Variants in KAZN observed in about 807,000 individuals in gnomAD.
KAZN encodes kazrin.
In KAZN, 40 loss-of-function variants were observed where a neutral mutation model predicts 87.4. The ratio of observed to expected loss-of-function variants is 0.46; its 90% CI spans 0.36 to 0.60. The LOEUF is 0.60. KAZN is among the 20% of genes least tolerant of loss of function. KAZN has a pLI of 0.00. For synonymous variants in KAZN, 466 were observed against 458.3 expected (o/e 1.02, Z -0.22); for missense variants, 898 against 1,073.9 (o/e 0.84, Z 2.29).
chr1:14,540,716 G>A (rs550445317), intron 2 of KAZN, among the ~76,000 whole-genome samples: 1 of 152,274 alleles, frequency 6.6e-6, no homozygotes, highest in Non-Finnish European at 1.5e-5. Flanking sequence ...TGCAATTTCT[G>A]GATGGGGAAA....
chr1:14,449,853 A>C (rs1000769514), intron 2 of KAZN, among the ~76,000 whole-genome samples: 1 of 152,174 alleles, frequency 6.6e-6, no homozygotes, highest in Non-Finnish European at 1.5e-5. Flanking sequence ...TTTCAAATGC[A>C]TTTGGAGAAA....
chr1:14,189,629 A>T (rs1057329475), intron 2 of KAZN, among the ~76,000 whole-genome samples: 3 of 152,160 alleles, frequency 2.0e-5, no homozygotes, highest in Admixed American at 6.6e-5. Flanking sequence ...CTAACTCCAG[A>T]ATATTTCCAT....
chr1:14,517,924 A>G (rs1364385901), intron 2 of KAZN, among the ~76,000 whole-genome samples: 1 of 152,194 alleles, frequency 6.6e-6, no homozygotes, highest in Non-Finnish European at 1.5e-5. Context: ...CCCTGGGAAC[A>G]ATGAGAAGGA....
chr1:14,128,605 T>C (rs1297444010), intron 1 of KAZN, among the ~76,000 whole-genome samples: 1 of 152,130 alleles, frequency 6.6e-6, no homozygotes, highest in Non-Finnish European at 1.5e-5. Flanking sequence ...ACGCCAATCA[T>C]ATTGGATTAG....
intron 1 of KAZN, among the ~76,000 whole-genome samples, chr1:14,073,949 GTTTTATC>G (rs377017549): frequency 3.5e-3 from 540 of 152,116 alleles, no homozygotes; most frequent in African/African-American, 0.012. Context: ...GGTATTTCTG[GTTTTATC>G]TTTTATCTGT....
intron 4 of KAZN, among the ~76,000 whole-genome samples, chr1:15,055,529 C>T (rs1167810168): frequency 6.6e-6 from 1 of 152,140 alleles, no homozygotes; most frequent in Non-Finnish European, 1.5e-5. Context: ...TCTCACTTTG[C>T]TCTTGGTGGG....
intron 1 of KAZN, among the ~76,000 whole-genome samples, chr1:14,055,089 G>A (rs941842134): frequency 6.6e-6 from 1 of 152,194 alleles, no homozygotes; most frequent in Admixed American, 6.5e-5. Flanking sequence ...GCCCATGGAA[G>A]GGTGAGGAAG....
At chr1:13,951,924 G>C (rs559839055) in intron 1 of KAZN, among the ~76,000 whole-genome samples, 8 of 152,156 alleles carry the variant, frequency 5.3e-5, no homozygotes, top group African/African-American at 1.7e-4. Flanking sequence ...GCCTGCCCTA[G>C]CTGTGCTATT....
intron 1 of KAZN, among the ~76,000 whole-genome samples, chr1:14,142,135 TA>T (rs1645254369): frequency 1.3e-5 from 2 of 150,566 alleles, no homozygotes. Context: ...TGGCTTGCCT[TA>T]AAACCAGATG....
At chr1:15,018,046 A>C (rs989335446) in intron 2 of KAZN, among the ~76,000 whole-genome samples, 1 of 151,730 alleles carries the variant, frequency 6.6e-6, no homozygotes, top group Admixed American at 6.6e-5. Context: ...GCTTCCCCCC[A>C]GCCTGCAAAC....
At chr1:13,896,548 T>G (rs918659152) in intron 1 of KAZN, among the ~76,000 whole-genome samples, 1 of 152,142 alleles carries the variant, frequency 6.6e-6, no homozygotes, top group African/African-American at 2.4e-5. Flanking sequence ...TGTCTCAGCC[T>G]CCCCAGATAC....
intron 2 of KAZN, among the ~76,000 whole-genome samples, chr1:14,417,276 A>G (rs1000280285): frequency 6.6e-6 from 1 of 152,198 alleles, no homozygotes; most frequent in Non-Finnish European, 1.5e-5. Flanking sequence ...TTCACCATTA[A>G]GAAGGGCAAT....
At chr1:14,316,878 T>C (rs1367745814) in intron 2 of KAZN, among the ~76,000 whole-genome samples, 1 of 151,710 alleles carries the variant, frequency 6.6e-6, no homozygotes, top group Non-Finnish European at 1.5e-5. Context: ...TTTAATTCCA[T>C]AGTGGTGAAA....
chr1:14,986,784 G>T (rs1201863518), intron 2 of KAZN, among the ~76,000 whole-genome samples: 1 of 152,184 alleles, frequency 6.6e-6, no homozygotes, highest in Non-Finnish European at 1.5e-5. Flanking sequence ...CTGACTGGCT[G>T]CCTTCCCTGA....
intron 2 of KAZN, among the ~76,000 whole-genome samples, chr1:14,356,825 G>A (rs1571379366): frequency 6.6e-6 from 1 of 152,242 alleles, no homozygotes; most frequent in South Asian, 2.1e-4. Context: ...TTTGGTTACT[G>A]TAGCCTTGTA....
chr1:13,918,827 A>G (rs1271301512), intron 1 of KAZN, among the ~76,000 whole-genome samples: 1 of 152,160 alleles, frequency 6.6e-6, no homozygotes, highest in Non-Finnish European at 1.5e-5. Context: ...GAGTATTAGC[A>G]TTTTTTATTT....
At chr1:14,277,822 T>G (rs1174642432) in intron 2 of KAZN, among the ~76,000 whole-genome samples, 1 of 152,094 alleles carries the variant, frequency 6.6e-6, no homozygotes, top group African/African-American at 2.4e-5. Context: ...GGATATTATA[T>G]CATTCTAATT....
At chr1:14,558,750 T>A (rs1252084832) in intron 2 of KAZN, among the ~76,000 whole-genome samples, 1 of 152,142 alleles carries the variant, frequency 6.6e-6, no homozygotes, top group Non-Finnish European at 1.5e-5. Context: ...GATCCGCAGT[T>A]GTCTGTATTC....
intron 1 of KAZN, among the ~76,000 whole-genome samples, chr1:14,805,956 G>A (rs1349086103): frequency 6.6e-6 from 1 of 152,096 alleles, no homozygotes; most frequent in East Asian, 1.9e-4. Flanking sequence ...AGAACAACTA[G>A]CCTTAATGTG....
Sources: allele counts gnomAD v4.1 joint callset (sites outside exome capture counted in the v4.1 genomes callset), GRCh38; gene constraint gnomAD v4.1.1; transcripts MANE v1.5; gene names NCBI Gene and HGNC (gene_info 2026-07-23, HGNC 2026-07-21).